Variants in ACYP2 observed in about 807,000 individuals in gnomAD.
The protein encoded by ACYP2 is acylphosphatase-2.
ACYP2 carries 12 observed loss-of-function variants against 11.2 expected under a neutral mutation model. The ratio of observed to expected loss-of-function variants is 1.08; its 90% CI spans 0.69 to 1.74. The LOEUF (loss-of-function observed/expected upper bound fraction) is 1.74. Among genes scored for constraint, ACYP2 ranks in the 40% most tolerant of loss-of-function variants. ACYP2 has a pLI of 0.00. For missense variants in ACYP2, 134 were observed against 101.9 expected, an observed-to-expected ratio of 1.31 and a Z score of -1.35; for synonymous variants, 43 against 32.2, an observed-to-expected ratio of 1.33 and a Z score of -1.13.
chr2:54,170,967 C>T (rs1264158129), intron 6 of ACYP2, among the ~76,000 whole-genome samples: 1 of 152,096 alleles, frequency 6.6e-6, no homozygotes, highest in African/African-American at 2.4e-5. Context: ...TGCCAGGGCT[C>T]ACTTTGTTTA....
At chr2:54,303,578 C>G (rs182649297) in intron 6 of ACYP2, among the ~76,000 whole-genome samples, 2 of 152,138 alleles carry the variant, frequency 1.3e-5, no homozygotes, top group East Asian at 1.9e-4. Flanking sequence ...CTAATCTCAC[C>G]CAGTAAAACT....
chr2:54,260,677 G>T (rs843697), intron 6 of ACYP2, among the ~76,000 whole-genome samples: 1 of 151,898 alleles, frequency 6.6e-6, no homozygotes, highest in Non-Finnish European at 1.5e-5. Context: ...AGAGACAGTG[G>T]TTTGAGAATG....
chr2:54,141,755 T>C (rs1681614352), intron 6 of ACYP2: 4 of 440,116 alleles, frequency 9.1e-6, no homozygotes, highest in Non-Finnish European at 1.6e-5. Context: ...TACTTTTACC[T>C]ATTTAACTGG....
intron 6 of ACYP2, among the ~76,000 whole-genome samples, chr2:54,252,921 G>C (rs1365983179): frequency 4.1e-5 from 6 of 147,986 alleles, no homozygotes; most frequent in Admixed American, 6.7e-5. Flanking sequence ...AAAAAAATAT[G>C]CCAATGGTAT....
chr2:54,220,377 G>C (rs1558622735), intron 6 of ACYP2, among the ~76,000 whole-genome samples: 1 of 152,026 alleles, frequency 6.6e-6, no homozygotes, highest in Non-Finnish European at 1.5e-5. Flanking sequence ...TCTCAACCTA[G>C]AATTTTAAGT....
intron 2 of ACYP2, among the ~76,000 whole-genome samples, chr2:54,046,482 TAAAAAAAAA>T (rs34695884): frequency 1.1e-5 from 1 of 88,798 alleles, no homozygotes; most frequent in Non-Finnish European, 2.4e-5. Flanking sequence ...CAAGACTGTC[TAAAAAAAAA>T]AAAAAAAAAA....
At position 54,267,223 on chromosome 2, in the gene ACYP2, G is replaced by C; in HGVS notation, c.405-37465G>C. On this transcript the variant is annotated intron_variant, in intron 6 of 6. Transcript: ENST00000607452. ...TTTTTAGGGGCCTATAAAAGTGCCTGGCACAAAGAAGCTCCCAATAAAAAC... is the reference window on the plus strand; with the variant it reads ...TTTTTAGGGGCCTATAAAAGTGCCTCGCACAAAGAAGCTCCCAATAAAAAC... 4 of 1,501,260 alleles carry C rather than the reference G, an allele frequency of 2.7e-6. No individual in the cohort carries two copies. In the South Asian group the frequency reaches 3.9e-5, roughly 15 times the overall value. 93.0% of individuals were successfully genotyped at this position (1,501,260 alleles called of 1,614,324 possible).
intron 2 of ACYP2, among the ~76,000 whole-genome samples, chr2:53,977,585 AT>A (rs1671556570): frequency 6.6e-6 from 1 of 151,972 alleles, no homozygotes; most frequent in Non-Finnish European, 1.5e-5. Context: ...ATACAAAAAA[AT>A]TAGCTGGGTG....
At chr2:54,185,126 C>G (rs1309487585) in intron 6 of ACYP2, among the ~76,000 whole-genome samples, 1 of 152,164 alleles carries the variant, frequency 6.6e-6, no homozygotes, top group Non-Finnish European at 1.5e-5. Flanking sequence ...AACATCCATT[C>G]TATGCCAGGT....
intron 4 of ACYP2, among the ~76,000 whole-genome samples, chr2:54,102,325 G>A (rs1678939623): frequency 6.6e-6 from 1 of 152,194 alleles, no homozygotes; most frequent in African/African-American, 2.4e-5. Flanking sequence ...TTGTTACAAT[G>A]AGAGACACTT....
At chr2:53,997,884 C>T (rs1473822512) in intron 2 of ACYP2, among the ~76,000 whole-genome samples, 1 of 152,182 alleles carries the variant, frequency 6.6e-6, no homozygotes, top group Admixed American at 6.6e-5. Context: ...GAATGACCCT[C>T]TTCCTCTTCT....
At chr2:54,004,032 G>A (rs1672932386) in intron 2 of ACYP2, among the ~76,000 whole-genome samples, 1 of 151,868 alleles carries the variant, frequency 6.6e-6, no homozygotes, top group Non-Finnish European at 1.5e-5. Context: ...CACCTAGGCT[G>A]GAATGCAATG....
intron 2 of ACYP2, among the ~76,000 whole-genome samples, chr2:54,014,733 A>ATTT (rs1444801091): frequency 6.6e-6 from 1 of 151,266 alleles, no homozygotes. Flanking sequence ...TAAAAAAAAA[A>ATTT]TTTTTTTTCT....
chr2:54,206,111 C>G (rs191822096), intron 6 of ACYP2, among the ~76,000 whole-genome samples: 86 of 152,212 alleles, frequency 5.7e-4, no homozygotes, highest in Non-Finnish European at 1.2e-4. Context: ...TTAATGTAAG[C>G]TTGCTTTTTG....
intron 4 of ACYP2, among the ~76,000 whole-genome samples, chr2:54,073,187 T>C (rs998744107): frequency 6.6e-6 from 1 of 152,118 alleles, no homozygotes; most frequent in African/African-American, 2.4e-5. Context: ...GGTATCTACA[T>C]ACAAATGAAT....
At chr2:54,107,799 A>AG (rs1269830403) in intron 4 of ACYP2, among the ~76,000 whole-genome samples, 15 of 152,232 alleles carry the variant, frequency 9.9e-5, no homozygotes, top group African/African-American at 3.6e-4. Flanking sequence ...TTGAGATCAG[A>AG]TAGAGATCCA....
At chr2:54,204,634 TA>T (rs1283708367) in intron 6 of ACYP2, among the ~76,000 whole-genome samples, 1 of 152,226 alleles carries the variant, frequency 6.6e-6, no homozygotes, top group East Asian at 1.9e-4. Flanking sequence ...AACTTCACCA[TA>T]AAAATGTGAA....
chr2:54,255,118 T>C lies in ACYP2; in HGVS notation c.405-49570T>C, dbSNP rs1470440951. On this transcript the variant is annotated intron_variant, in intron 6 of 6. Transcript: ENST00000607452. Reference sequence around the variant, plus strand: ...CCAGGTGAAGAAGCTGCAGATGACATGTCGGTTCCTATGAATGAAGGACTG... The same window carrying C: ...CCAGGTGAAGAAGCTGCAGATGACACGTCGGTTCCTATGAATGAAGGACTG... 14 of 1,614,018 alleles carry C rather than the reference T, an allele frequency of 8.7e-6. No homozygotes were observed. The highest frequency in any genetic ancestry group is 1.3e-5 in the African/African-American group (1 of 74,918).
intron 2 of ACYP2, among the ~76,000 whole-genome samples, chr2:54,038,712 T>TATATATATAC (rs1675048914): frequency 9.4e-6 from 1 of 105,984 alleles, no homozygotes; most frequent in African/African-American, 3.5e-5. Flanking sequence ...TATATATATA[T>TATATATATAC]ACTCTTCTAA....
Sources: gnomAD v4.1 joint callset for allele counts (sites outside exome capture counted in the v4.1 genomes callset) on GRCh38, gnomAD v4.1.1 for gene constraint, MANE v1.5 for transcripts, NCBI Gene and HGNC (gene_info 2026-07-23, HGNC 2026-07-21) for gene names.